Variants in ATP10B observed in about 807,000 individuals in gnomAD.
ATP10B encodes the protein phospholipid-transporting ATPase VB.
ATP10B carries 122 observed loss-of-function variants against 141.2 expected under a neutral mutation model. The ratio of observed to expected loss-of-function variants is 0.86; its 90% CI spans 0.75 to 1.00. The LOEUF is 1.00. ATP10B is among the 50% of genes least tolerant of loss of function. The probability of loss-of-function intolerance (pLI) is 0.00; values close to 1 mark genes in which losing one functional copy is unlikely to be tolerated. For missense variants in ATP10B, 1,876 were observed against 1,825.3 expected, an observed-to-expected ratio of 1.03 and a Z score of -0.51; for synonymous variants, 685 against 692.0, an observed-to-expected ratio of 0.99 and a Z score of 0.16.
intron 2 of ATP10B, 138 bp downstream of exon 2, chr5:160,785,420 GT>G (rs373013145): frequency 1.6e-4 from 54 of 331,872 alleles, no homozygotes; most frequent in Non-Finnish European, 2.8e-4. Context: ...TAGCGGTGGT[GT>G]TTTTTTTGTT....
chr5:160,682,923 C>T (rs1414697621), intron 6 of ATP10B, among the ~76,000 whole-genome samples: 1 of 151,120 alleles, frequency 6.6e-6, no homozygotes, highest in Non-Finnish European at 1.5e-5. Flanking sequence ...CCTGTAGTCC[C>T]AGCTACTCGG....
At chr5:160,811,442 A>G (rs1773145225) in intron 1 of ATP10B, among the ~76,000 whole-genome samples, 1 of 151,934 alleles carries the variant, frequency 6.6e-6, no homozygotes, top group Admixed American at 6.6e-5. Context: ...GCTAGAGGGG[A>G]GCCCAGTACT....
intron 1 of ATP10B, among the ~76,000 whole-genome samples, chr5:160,824,783 A>C (rs1016270247): frequency 3.3e-5 from 5 of 152,172 alleles, no homozygotes; most frequent in Non-Finnish European, 7.3e-5. Flanking sequence ...TCATTGACTG[A>C]AACATTGTTA....
rs116941323 is a variant in ATP10B at position 160,675,422 on chromosome 5, C to A, written c.471-4755G>T. ...GGATTATTAAGAGGTAAATAAACAG[C>A]AAGAGAGGTTTGTAGCCAACTGGAT... On this transcript the variant is annotated intron_variant, in intron 6 of 25. Transcript: ENST00000327245. Among the ~76,000 whole-genome samples the A allele has an allele frequency of 8.3e-4, 127 of 152,198 alleles. 3 individuals carry two copies. The East Asian group carries it at 0.02, about 24-fold the overall frequency.
intron 5 of ATP10B, 46 bp downstream of exon 5, chr5:160,687,754 G>C: frequency 6.4e-7 from 1 of 1,568,038 alleles, no homozygotes; most frequent in Non-Finnish European, 8.7e-7. Context: ...AACAGAATGA[G>C]ACTCTTTCTC....
intron 12 of ATP10B, chr5:160,632,754 A>T: frequency 6.1e-6 from 1 of 163,576 alleles, no homozygotes; most frequent in South Asian, 1.8e-4. Context: ...CAAAGAGACC[A>T]GAAGCTCCCA....
intron 2 of ATP10B, among the ~76,000 whole-genome samples, chr5:160,772,244 T>A (rs1581502543): frequency 6.6e-6 from 1 of 152,244 alleles, no homozygotes; most frequent in East Asian, 1.9e-4. Context: ...TAATAGTGTA[T>A]GTGCAAGGTT....
chr5:160,796,765 A>C (rs1166475118), intron 1 of ATP10B, among the ~76,000 whole-genome samples: 2 of 152,142 alleles, frequency 1.3e-5, no homozygotes, highest in African/African-American at 4.8e-5. Flanking sequence ...GAGGATCTTG[A>C]GAGTGGACTC....
chr5:160,909,862 G>C, the ATP10B span, among the ~76,000 whole-genome samples: 1 of 152,142 alleles, frequency 6.6e-6, no homozygotes. Context: ...TCTGCTGACC[G>C]ACATGGAAGC....
chr5:160,645,970 A>G (rs1760249926), intron 8 of ATP10B, among the ~76,000 whole-genome samples: 1 of 152,200 alleles, frequency 6.6e-6, no homozygotes, highest in Non-Finnish European at 1.5e-5. Context: ...CTGCCACTCA[A>G]TATGCCTTTT....
At chr5:160,684,925 G>A (rs1328211048) in intron 6 of ATP10B, 1 of 703,362 alleles carries the variant, frequency 1.4e-6, no homozygotes, top group African/African-American at 1.7e-5. Flanking sequence ...GGCAGTGACT[G>A]CCAGGATAAC....
At chr5:160,819,338 T>C (rs1180027570) in intron 1 of ATP10B, among the ~76,000 whole-genome samples, 1 of 152,048 alleles carries the variant, frequency 6.6e-6, no homozygotes, top group Non-Finnish European at 1.5e-5. Context: ...AAAATATTCT[T>C]CAAGCATGAA....
rs1405440999 is a variant in ATP10B, at chr5:160,662,428, G to A, written c.675+8035C>T. On this transcript the variant is annotated intron_variant, in intron 7 of 25. Coordinates refer to ENST00000327245, the MANE Select transcript of ATP10B (RefSeq NM_025153.3). ...AGGCTACAGTAACCAAAACAGCACG[G>A]TACTGGTACCAAAACAGAGATATAG... Among the ~76,000 whole-genome samples, 2 of 151,524 alleles carry A rather than the reference G, an allele frequency of 1.3e-5. 1 individual carries two copies. The highest frequency in any genetic ancestry group is 4.9e-5 in the African/African-American group (2 of 41,130).
chr5:160,857,367 C>T, the ATP10B span, among the ~76,000 whole-genome samples: 2 of 151,462 alleles, frequency 1.3e-5, no homozygotes, highest in Admixed American at 1.3e-4. Context: ...CTTGATTCTG[C>T]TGTGTCAGTG....
At chr5:160,641,604 T>C (rs1478596081) in intron 9 of ATP10B, among the ~76,000 whole-genome samples, 1 of 152,206 alleles carries the variant, frequency 6.6e-6, no homozygotes, top group Admixed American at 6.5e-5. Flanking sequence ...AGTGTAGTTC[T>C]CCTTTCACCA....
At chr5:160,864,126 C>T in the ATP10B span, among the ~76,000 whole-genome samples, 1 of 151,744 alleles carries the variant, frequency 6.6e-6, no homozygotes, top group Non-Finnish European at 1.5e-5. Context: ...CAAGAAAGGA[C>T]ATAAAAAATA....
chr5:160,782,438 TACACACACACACACACACAC>T (rs57112303), intron 2 of ATP10B, among the ~76,000 whole-genome samples: 9 of 141,182 alleles, frequency 6.4e-5, no homozygotes, highest in East Asian at 4.3e-4. Flanking sequence ...TCTTCCTCCA[TACACACACACACACACACAC>T]ACACACACAC....
chr5:160,769,314 G>C (rs1364995855), intron 2 of ATP10B, among the ~76,000 whole-genome samples: 2 of 152,328 alleles, frequency 1.3e-5, no homozygotes, highest in Admixed American at 1.3e-4. Flanking sequence ...TGACAGGAGA[G>C]TGAAGTGCGT....
intron 2 of ATP10B, among the ~76,000 whole-genome samples, chr5:160,736,040 CTTCAAGTAAACAAT>C: frequency 6.6e-6 from 1 of 151,998 alleles, no homozygotes. Context: ...AGAGGAAAAA[CTTCAAGTAAACAAT>C]CTAATGATGC....
Sources: gnomAD v4.1 joint callset for allele counts (sites outside exome capture counted in the v4.1 genomes callset) on GRCh38, gnomAD v4.1.1 for gene constraint, MANE v1.5 for transcripts, NCBI Gene and HGNC (gene_info 2026-07-23, HGNC 2026-07-21) for gene names.